Variants in CCDC34 observed in about 807,000 individuals in gnomAD.
CCDC34 encodes coiled-coil domain-containing protein 34.
CCDC34 carries 40 observed loss-of-function variants against 44.1 expected under a neutral mutation model. The ratio of observed to expected loss-of-function variants is 0.91; its 90% confidence interval spans 0.70 to 1.18. CCDC34 has a LOEUF of 1.18. Among genes scored for constraint, CCDC34 ranks in the 50% most tolerant of loss-of-function variants. The probability of loss-of-function intolerance (pLI) is 0.00; values close to 1 mark genes in which losing one functional copy is unlikely to be tolerated. For missense variants in CCDC34, 466 were observed against 452.3 expected (o/e 1.03, Z -0.28); for synonymous variants, 159 against 158.2 (o/e 1.01, Z -0.04).
intron 3 of CCDC34, chr11:27,349,073 AAAC>A: frequency 1.0e-6 from 1 of 985,258 alleles, no homozygotes; most frequent in Non-Finnish European, 1.2e-6. Flanking sequence ...ATTCCTAGAC[AAAC>A]AACAACTAGG....
intron 1 of CCDC34, among the ~76,000 whole-genome samples, chr11:27,358,256 G>C (rs965409749): frequency 3.9e-5 from 6 of 152,114 alleles, no homozygotes; most frequent in African/African-American, 1.4e-4. Context: ...TCAGGGTAAA[G>C]AGAAGAGGGG....
intron 3 of CCDC34, among the ~76,000 whole-genome samples, chr11:27,345,380 A>T (rs1266464245): frequency 6.6e-6 from 1 of 152,150 alleles, no homozygotes; most frequent in East Asian, 1.9e-4. Context: ...GGTGTGCTGC[A>T]CCCATTAACT....
At chr11:27,340,890 C>T (rs940424851) in intron 4 of CCDC34, 53 bp from the exon 5 acceptor site, 173 of 1,551,972 alleles carry the variant, frequency 1.1e-4, no homozygotes, top group Middle Eastern at 5.5e-4. Flanking sequence ...ACTATACATT[C>T]CATTCAAATT....
intron 3 of CCDC34, among the ~76,000 whole-genome samples, chr11:27,342,804 AT>A (rs1445866376): frequency 6.6e-6 from 1 of 152,234 alleles, no homozygotes; most frequent in Non-Finnish European, 1.5e-5. Context: ...CTATAACTCA[AT>A]ATTTTTTCCT....
intron 3 of CCDC34, among the ~76,000 whole-genome samples, chr11:27,343,718 T>C (rs1862395915): frequency 6.6e-6 from 1 of 152,368 alleles, no homozygotes; most frequent in Middle Eastern, 3.4e-3. Context: ...GTGCTAACTA[T>C]GCCTGTTACC....
intron 3 of CCDC34, among the ~76,000 whole-genome samples, chr11:27,346,408 C>G (rs1488479143): frequency 2.9e-5 from 3 of 102,166 alleles, no homozygotes; most frequent in Non-Finnish European, 5.5e-5. Context: ...AAAAAAGAGA[C>G]AGAAGAGAGG....
chr11:27,361,750 T>C (rs1159801839), intron 1 of CCDC34, among the ~76,000 whole-genome samples: 4 of 152,242 alleles, frequency 2.6e-5, no homozygotes, highest in Admixed American at 2.6e-4. Context: ...ATGAACACCC[T>C]GTACTGAAGG....
chr11:27,351,535 C>T (rs1437982325), intron 2 of CCDC34, among the ~76,000 whole-genome samples: 1 of 152,130 alleles, frequency 6.6e-6, no homozygotes, highest in Non-Finnish European at 1.5e-5. Context: ...AAATATCCAT[C>T]TTTAAGGATT....
intron 2 of CCDC34, among the ~76,000 whole-genome samples, chr11:27,351,474 C>T (rs557120407): frequency 1.2e-4 from 19 of 152,286 alleles, no homozygotes; most frequent in Middle Eastern, 3.4e-3. Context: ...AGAAGATAGC[C>T]GCCCTCACTC....
intron 1 of CCDC34, among the ~76,000 whole-genome samples, chr11:27,358,955 T>C (rs1029133909): frequency 2.7e-5 from 2 of 74,128 alleles, no homozygotes; most frequent in Non-Finnish European, 6.3e-5. Flanking sequence ...TGTCAACATG[T>C]GGACCCCCCC....
chr11:27,345,105 T>C (rs1220752392), intron 3 of CCDC34, among the ~76,000 whole-genome samples: 2 of 152,186 alleles, frequency 1.3e-5, no homozygotes, highest in African/African-American at 4.8e-5. Context: ...GATTATCTTG[T>C]CAATATTGTT....
intron 3 of CCDC34, among the ~76,000 whole-genome samples, chr11:27,345,454 G>C (rs545593807): frequency 6.6e-6 from 1 of 151,998 alleles, no homozygotes; most frequent in African/African-American, 2.4e-5. Context: ...CCCCACAACA[G>C]GCCCCGGTGT....
chr11:27,346,444 G>A (rs1050589937), intron 3 of CCDC34, among the ~76,000 whole-genome samples: 1 of 143,712 alleles, frequency 7.0e-6, no homozygotes, highest in African/African-American at 2.7e-5. Context: ...GGAGGGGAGG[G>A]GAGGAAGGAA....
intron 3 of CCDC34, chr11:27,348,977 T>TAA (rs1862469897): frequency 2.0e-6 from 2 of 984,682 alleles, no homozygotes; most frequent in South Asian, 9.4e-5. Flanking sequence ...CCAAAAGAAA[T>TAA]AATTTTTTTT....
chr11:27,362,320 AC>A (rs1478836322), intron 1 of CCDC34, among the ~76,000 whole-genome samples: 1 of 152,182 alleles, frequency 6.6e-6, no homozygotes, highest in Non-Finnish European at 1.5e-5. Context: ...CTCTCTAACC[AC>A]GTCTCCACAT....
intron 2 of CCDC34, among the ~76,000 whole-genome samples, chr11:27,351,046 C>T (rs1019051115): frequency 3.9e-5 from 6 of 152,196 alleles, no homozygotes; most frequent in African/African-American, 1.4e-4. Context: ...TGGGCATTTC[C>T]TCAGGAAAAA....
chr11:27,344,707 A>C (rs902088969), intron 3 of CCDC34, among the ~76,000 whole-genome samples: 1 of 152,010 alleles, frequency 6.6e-6, no homozygotes, highest in South Asian at 2.1e-4. Flanking sequence ...GGAAAGAAAA[A>C]CCATGTTTAT....
chr11:27,341,663 TG>T (rs1862360877), intron 3 of CCDC34, 113 bp from the exon 4 acceptor site: 1 of 524,478 alleles, frequency 1.9e-6, no homozygotes, highest in African/African-American at 2.0e-5. Flanking sequence ...AAAATAGACA[TG>T]ATATCATGGC....
chr11:27,338,571 C>A lies in CCDC34; in HGVS notation c.*250G>T, dbSNP rs1311635774. 1 of 432,378 alleles carries A rather than the reference C, an allele frequency of 2.3e-6. No homozygotes were observed. The highest frequency in any genetic ancestry group is 2.1e-5 in the African/African-American group (1 of 48,062). The allele number at this position is 432,378 out of a possible 1,614,324, so 26.8% of individuals were successfully genotyped here. ...GTGTACTTTTAATACAAGCTAAATA[C>A]AAACACAATTCTTACATATTCAGCC... On this transcript the variant is annotated 3_prime_UTR_variant, in exon 6 of 6. Coordinates refer to ENST00000328697, the MANE Select transcript of CCDC34 (RefSeq NM_030771.2).
Sources: allele counts gnomAD v4.1 joint callset (sites outside exome capture counted in the v4.1 genomes callset), GRCh38; gene constraint gnomAD v4.1.1; transcripts MANE v1.5; gene names NCBI Gene and HGNC (gene_info 2026-07-23, HGNC 2026-07-21).